LINGO2: variants seen among roughly 807,000 people sequenced by gnomAD.
The protein encoded by LINGO2 is leucine-rich repeat and immunoglobulin-like domain-containing nogo receptor-interacting protein 2.
Under a neutral mutation model 30.6 loss-of-function variants are expected in LINGO2, and 14 were observed. The ratio of observed to expected loss-of-function variants is 0.46; its 90% confidence interval spans 0.30 to 0.72. The LOEUF is 0.72. Among genes scored for constraint, LINGO2 ranks in the 30% least tolerant of loss-of-function variants. The pLI, the probability that LINGO2 is intolerant of heterozygous loss-of-function variation, is 0.07. For missense variants in LINGO2, 729 were observed against 751.7 expected, an observed-to-expected ratio of 0.97 and a Z score of 0.35; for synonymous variants, 317 against 288.5, an observed-to-expected ratio of 1.10 and a Z score of -1.00.
chr9:27,981,582 A>G (rs1326952770), intron 5 of LINGO2, among the ~76,000 whole-genome samples: 3 of 147,114 alleles, frequency 2.0e-5, no homozygotes, highest in African/African-American at 7.5e-5. Flanking sequence ...AAAAAAAAAG[A>G]AAAAAAATTT....
the LINGO2 span, among the ~76,000 whole-genome samples, chr9:29,055,109 C>T: frequency 1.3e-5 from 2 of 152,134 alleles, no homozygotes; most frequent in South Asian, 4.2e-4. Flanking sequence ...GTCCCAGCTA[C>T]TCAGGAGGCT....
chr9:28,342,551 T>G (rs1267421142), intron 3 of LINGO2, among the ~76,000 whole-genome samples: 1 of 151,976 alleles, frequency 6.6e-6, no homozygotes, highest in Non-Finnish European at 1.5e-5. Context: ...TTTGGTGAGA[T>G]CTGGGTATCT....
At chr9:28,611,433 A>C (rs189201695) in intron 1 of LINGO2, among the ~76,000 whole-genome samples, 1 of 151,948 alleles carries the variant, frequency 6.6e-6, no homozygotes, top group Non-Finnish European at 1.5e-5. Flanking sequence ...TCAAGCATAC[A>C]ATATAGTATT....
At chr9:28,683,989 G>A in the LINGO2 span, among the ~76,000 whole-genome samples, 2 of 151,850 alleles carry the variant, frequency 1.3e-5, no homozygotes, top group Admixed American at 1.3e-4. Context: ...TTGGTTTCCT[G>A]CTTTTATAAA....
chr9:28,428,753 G>A (rs1406665818), intron 2 of LINGO2, among the ~76,000 whole-genome samples: 1 of 152,104 alleles, frequency 6.6e-6, no homozygotes. Context: ...ACCTGGATTT[G>A]AAACTGCCTC....
At chr9:28,694,684 A>T in the LINGO2 span, among the ~76,000 whole-genome samples, 3 of 152,130 alleles carry the variant, frequency 2.0e-5, no homozygotes, top group Admixed American at 2.0e-4. Flanking sequence ...ACAGCTAGTA[A>T]GGGCAGAACT....
chr9:28,265,888 G>A (rs774018856), intron 4 of LINGO2, among the ~76,000 whole-genome samples: 50 of 152,020 alleles, frequency 3.3e-4, no homozygotes, highest in Admixed American at 1.3e-3. Context: ...AGGTTTAAAG[G>A]CTCATAAACA....
At chr9:28,609,606 A>G (rs1163589214) in intron 1 of LINGO2, among the ~76,000 whole-genome samples, 1 of 152,098 alleles carries the variant, frequency 6.6e-6, no homozygotes, top group Non-Finnish European at 1.5e-5. Flanking sequence ...CACAATGCAG[A>G]GATCAGATAA....
the LINGO2 span, among the ~76,000 whole-genome samples, chr9:28,820,344 G>GA: frequency 2.6e-5 from 4 of 151,642 alleles, no homozygotes; most frequent in Non-Finnish European, 4.4e-5. Context: ...ATTTTCAACA[G>GA]AAAAAAGATG....
chr9:27,983,677 T>C lies in LINGO2; in HGVS notation c.-36+28678A>G, dbSNP rs957701813. On this transcript the variant is annotated intron_variant, in intron 5 of 5. Transcript: ENST00000379992. ...GAGAGGTAAAATCACCATTCAAAGT[T>C]CATGCATCTAACTGGTGGCACAGAA... is the stretch of plus-strand genomic sequence containing the variant. Among the ~76,000 whole-genome samples the C allele has an allele frequency of 7.2e-5, 11 of 151,784 alleles. No homozygotes were observed. The East Asian group carries it at 2.1e-3, about 29-fold the overall frequency.
the LINGO2 span, among the ~76,000 whole-genome samples, chr9:28,834,363 G>A: frequency 6.6e-6 from 1 of 152,106 alleles, no homozygotes; most frequent in Non-Finnish European, 1.5e-5. Context: ...AATTCTTAAT[G>A]TGAATTTCCA....
intron 3 of LINGO2, among the ~76,000 whole-genome samples, chr9:28,354,092 T>C (rs888479984): frequency 6.6e-6 from 1 of 152,058 alleles, no homozygotes; most frequent in African/African-American, 2.4e-5. Flanking sequence ...GCATGGCGCA[T>C]GTATACATAT....
intron 1 of LINGO2, among the ~76,000 whole-genome samples, chr9:28,544,625 A>G (rs1250744701): frequency 7.3e-6 from 1 of 136,992 alleles, no homozygotes; most frequent in East Asian, 2.5e-4. Context: ...CTCTGTTAAA[A>G]AGTCAGAAGC....
At chr9:28,236,776 A>C (rs1288209067) in intron 4 of LINGO2, among the ~76,000 whole-genome samples, 1 of 152,126 alleles carries the variant, frequency 6.6e-6, no homozygotes, top group Non-Finnish European at 1.5e-5. Context: ...GGAAATGGTT[A>C]ATCAGTATAA....
the LINGO2 span, among the ~76,000 whole-genome samples, chr9:29,193,450 C>CT: frequency 6.6e-6 from 1 of 152,176 alleles, no homozygotes. Context: ...CTCCTGGTAC[C>CT]TGGCATCCTC....
At chr9:28,915,683 T>A in the LINGO2 span, among the ~76,000 whole-genome samples, 1 of 152,192 alleles carries the variant, frequency 6.6e-6, no homozygotes, top group African/African-American at 2.4e-5. Flanking sequence ...TAGGAGATAC[T>A]TTATCAGTGA....
At chr9:28,166,980 C>T (rs1828445781) in intron 4 of LINGO2, among the ~76,000 whole-genome samples, 2 of 152,084 alleles carry the variant, frequency 1.3e-5, no homozygotes, top group African/African-American at 2.4e-5. Context: ...TCAAACCTCT[C>T]GAAGTTCTGT....
the LINGO2 span, among the ~76,000 whole-genome samples, chr9:28,918,083 A>T: frequency 4.6e-5 from 7 of 150,672 alleles, no homozygotes; most frequent in African/African-American, 1.7e-4. Context: ...GTCCATTTTC[A>T]TGCTGCTGAT....
chr9:28,968,206 G>C, the LINGO2 span, among the ~76,000 whole-genome samples: 1 of 152,140 alleles, frequency 6.6e-6, no homozygotes, highest in Non-Finnish European at 1.5e-5. Flanking sequence ...TAATTAAACA[G>C]ATCTTTTAGA....
Sources: allele counts gnomAD v4.1 joint callset (sites outside exome capture counted in the v4.1 genomes callset), GRCh38; gene constraint gnomAD v4.1.1; transcripts MANE v1.5; gene names NCBI Gene and HGNC (gene_info 2026-07-23, HGNC 2026-07-21).